CUBN: variants seen among roughly 807,000 people sequenced by gnomAD.
CUBN encodes 460 kDa receptor.
Under a neutral mutation model 405.3 loss-of-function variants are expected in CUBN, and 282 were observed. The ratio of observed to expected loss-of-function variants is 0.70; its 90% CI spans 0.63 to 0.77. The LOEUF (loss-of-function observed/expected upper bound fraction) is 0.77. Ranked by LOEUF, CUBN falls within the 30% of genes least tolerant of loss-of-function variation. CUBN has a pLI of 0.00. For synonymous variants in CUBN, 1,684 were observed against 1,617.0 expected (o/e 1.04, Z -0.99); for missense variants, 4,514 against 4,475.2 (o/e 1.01, Z -0.25).
intron 28 of CUBN, among the ~76,000 whole-genome samples, chr10:16,996,715 C>T (rs911041602): frequency 7.2e-5 from 11 of 152,250 alleles, no homozygotes; most frequent in East Asian, 3.9e-4. Flanking sequence ...CTGTATTGCC[C>T]GGCGACTGCT....
At chr10:17,077,875 T>C (rs1190826763) in intron 17 of CUBN, among the ~76,000 whole-genome samples, 1 of 152,210 alleles carries the variant, frequency 6.6e-6, no homozygotes. Flanking sequence ...TCATGATTTT[T>C]AGAGTTGGTA....
chr10:17,115,107 G>C (rs1349968667), intron 7 of CUBN, among the ~76,000 whole-genome samples: 1 of 152,090 alleles, frequency 6.6e-6, no homozygotes, highest in Non-Finnish European at 1.5e-5. Context: ...AGCCAGGCAT[G>C]TTGGCATGCT....
chr10:17,029,935 G>C (rs1333027645), intron 27 of CUBN, among the ~76,000 whole-genome samples: 1 of 152,216 alleles, frequency 6.6e-6, no homozygotes, highest in Admixed American at 6.5e-5. Context: ...GGCTGCTCTG[G>C]AAACCACAGA....
At chr10:16,865,193 C>T (rs1350499595) in intron 59 of CUBN, among the ~76,000 whole-genome samples, 1 of 151,888 alleles carries the variant, frequency 6.6e-6, no homozygotes, top group African/African-American at 2.4e-5. Flanking sequence ...TGGTCTTGGA[C>T]TCCTGACCTC....
At chr10:16,885,791 T>C (rs1840794969) in intron 56 of CUBN, among the ~76,000 whole-genome samples, 1 of 152,206 alleles carries the variant, frequency 6.6e-6, no homozygotes, top group Admixed American at 6.5e-5. Flanking sequence ...TACGGTCTTG[T>C]GAGATGCACT....
intron 53 of CUBN, 92 bp downstream of exon 53, chr10:16,900,533 C>T: frequency 1.0e-6 from 1 of 1,004,412 alleles, no homozygotes; most frequent in South Asian, 1.3e-5. Flanking sequence ...TAGAACTAAG[C>T]CTGATGTAAA....
chr10:16,951,281 T>A (rs1329256019), intron 33 of CUBN, among the ~76,000 whole-genome samples: 1 of 152,214 alleles, frequency 6.6e-6, no homozygotes, highest in African/African-American at 2.4e-5. Context: ...CATCATCGGC[T>A]GCCACATCTT....
Position 16,900,721 on chromosome 10 carries a change from T to C in CUBN, c.8314A>G (p.Ile2772Val), listed in dbSNP as rs1841337326. 2 of 1,614,190 alleles carry C rather than the reference T, an allele frequency of 1.2e-6. No individual in the cohort carries two copies. The highest frequency in any genetic ancestry group is 1.7e-6 in the Non-Finnish European group (2 of 1,180,018). ...ACCAGCTGATTGGAACCTGACTGTA[T>C]TGTCCTGGGGTTTGAATTTCCACAG... ...QYCGNSNPRT[I>V]QSGSNQLVVT... Residue 2772 changes from isoleucine (I) to valine (V), a missense_variant, in exon 53 of 67, where the codon ATA becomes GTA. By Grantham distance (29) the Ile-to-Val change is conservative. Transcript: ENST00000377833.
intron 28 of CUBN, among the ~76,000 whole-genome samples, chr10:16,994,275 T>C (rs552166390): frequency 6.6e-6 from 1 of 152,318 alleles, no homozygotes; most frequent in South Asian, 2.1e-4. Context: ...TTAATATCTC[T>C]TGAAAAAAAG....
In CUBN at chr10:17,045,229, T is replaced by C. The variant is rs202220407; in HGVS notation, c.3491-41A>G. ...GTGGAATGACACACACCCCTTTCCTTCTGGGGAAATTGAATCTTTTTGTCT... is the reference window on the plus strand; with the variant it reads ...GTGGAATGACACACACCCCTTTCCTCCTGGGGAAATTGAATCTTTTTGTCT... On this transcript the variant is annotated intron_variant, in intron 24 of 66. Transcript: ENST00000377833. 1.1e-3 allele frequency: 1,780 copies of C among 1,592,898 alleles called. 5 individuals carry two copies. Among genetic ancestry groups the C allele is most frequent in the Middle Eastern group, 1.8e-3 (9 of 4,958 alleles).
chr10:17,003,671 G>A lies in CUBN; in HGVS notation c.4169-13156C>T, dbSNP rs562519371. On this transcript the variant is annotated intron_variant, in intron 28 of 66. Coordinates refer to ENST00000377833, the MANE Select transcript of CUBN (RefSeq NM_001081.4). ...AGAAATTATTAGGAAGAGAGAATGC[G>A]GCAATTGATCTAATATTTTCTGTGC... 4.6e-5 allele frequency among the ~76,000 whole-genome samples: 7 copies of A among 152,242 alleles called. No homozygotes were observed. The South Asian group carries it at 1.2e-3, about 27-fold the overall frequency.
chr10:16,860,697 G>A (rs1200539275), intron 59 of CUBN, among the ~76,000 whole-genome samples: 1 of 152,188 alleles, frequency 6.6e-6, no homozygotes, highest in Non-Finnish European at 1.5e-5. Flanking sequence ...AACCTTAGGA[G>A]CATTATTATT....
At chr10:16,917,315 G>A (rs1161274696) in intron 45 of CUBN, among the ~76,000 whole-genome samples, 2 of 152,104 alleles carry the variant, frequency 1.3e-5, no homozygotes, top group Non-Finnish European at 2.9e-5. Context: ...GACCCCCAGT[G>A]AGTGCCTAAA....
intron 27 of CUBN, among the ~76,000 whole-genome samples, chr10:17,039,980 A>C (rs542084717): frequency 2.6e-5 from 4 of 152,216 alleles, no homozygotes; most frequent in Admixed American, 6.5e-5. Flanking sequence ...TGGAAAATAT[A>C]TGTTAACCTC....
At chr10:16,998,882 T>G (rs1009562308) in intron 28 of CUBN, among the ~76,000 whole-genome samples, 2 of 152,206 alleles carry the variant, frequency 1.3e-5, no homozygotes, top group African/African-American at 4.8e-5. Flanking sequence ...AGTTAAGTCA[T>G]AACGATTTTT....
intron 28 of CUBN, among the ~76,000 whole-genome samples, chr10:16,997,513 G>A (rs1366804252): frequency 6.6e-6 from 1 of 151,948 alleles, no homozygotes; most frequent in Non-Finnish European, 1.5e-5. Flanking sequence ...TTTTGGTAAG[G>A]CAGGTGTGAT....
At chr10:16,835,221 A>C in intron 63 of CUBN, 26 bp from the exon 64 acceptor site, 1 of 1,561,432 alleles carries the variant, frequency 6.4e-7, no homozygotes, top group Non-Finnish European at 8.8e-7. Context: ...GGCATAATTA[A>C]TGTACGCATT....
intron 43 of CUBN, among the ~76,000 whole-genome samples, chr10:16,923,297 C>T (rs1842091357): frequency 6.6e-6 from 1 of 152,108 alleles, no homozygotes; most frequent in Non-Finnish European, 1.5e-5. Context: ...AAGGCATCTA[C>T]CACAGGGTCC....
rs937700327 is a variant in CUBN at position 16,839,869 on chromosome 10, T to A, written c.10032+461A>T. On this transcript the variant is annotated intron_variant, in intron 62 of 66. Coordinates refer to ENST00000377833, the MANE Select transcript of CUBN (RefSeq NM_001081.4). ...AAGAAAATGTGGCACATACACACCATGGAATACTATGCAGCCATAAAAAAT... is the reference window on the plus strand; with the variant it reads ...AAGAAAATGTGGCACATACACACCAAGGAATACTATGCAGCCATAAAAAAT... Among the ~76,000 whole-genome samples the A allele has an allele frequency of 6.6e-4, 100 of 152,106 alleles. 2 individuals carry two copies. The highest frequency in any genetic ancestry group is 2.2e-3 in the African/African-American group (93 of 41,504).
Sources: allele counts gnomAD v4.1 joint callset (sites outside exome capture counted in the v4.1 genomes callset), GRCh38; gene constraint gnomAD v4.1.1; transcripts MANE v1.5; gene names NCBI Gene and HGNC (gene_info 2026-07-23, HGNC 2026-07-21).